The following SMN2 variants were observed in gnomAD, a reference collection of about 807,000 sequenced individuals.
SMN2 encodes the protein survival motor neuron protein.
SMN2 carries 1 observed loss-of-function variant against 2.8 expected under a neutral mutation model. That is an observed-to-expected ratio of 0.35 (90% CI 0.13 to 1.68). SMN2 has a LOEUF of 1.68. Ranked by LOEUF, SMN2 falls within the 40% of genes most tolerant of loss-of-function variation. SMN2 has a pLI of 0.35. For synonymous variants in SMN2, 5 were observed against 5.0 expected (o/e 0.99, Z 0.01); for missense variants, 12 against 16.9 (o/e 0.71, Z 0.51).
chr5:70,079,600 T>G (rs1395232436), downstream of SMN2, among the ~76,000 whole-genome samples: 1 of 133,416 alleles, frequency 7.5e-6, no homozygotes, highest in Non-Finnish European at 1.6e-5. Context: ...CTACAAAACA[T>G]GAAAGAATTA....
downstream of SMN2, among the ~76,000 whole-genome samples, chr5:70,082,157 G>C (rs991505530): frequency 7.9e-6 from 1 of 127,274 alleles, no homozygotes; most frequent in Non-Finnish European, 1.6e-5. Flanking sequence ...TTATATGCTG[G>C]ATTACATTTA....
intron 8 of SMN2, 196 bp downstream of exon 8, chr5:70,076,770 C>T (rs1317737753): frequency 2.3e-6 from 3 of 1,319,856 alleles, no homozygotes; most frequent in East Asian, 2.7e-5. Flanking sequence ...CTAGAATTCT[C>T]ATACTTAACT....
chr5:70,075,726 T>C (rs1278173348), intron 7 of SMN2, among the ~76,000 whole-genome samples: 1 of 121,316 alleles, frequency 8.2e-6, no homozygotes, highest in African/African-American at 3.6e-5. Flanking sequence ...CAGGCTGGAG[T>C]GCAAGGGCAC....
At chr5:70,076,393 T>G in intron 7 of SMN2, 128 bp from the exon 8 acceptor site, 1 of 495,892 alleles carries the variant, frequency 2.0e-6, no homozygotes, top group Non-Finnish European at 3.6e-6. Flanking sequence ...TGATCATATT[T>G]TGTTGAATAA....
At chr5:70,079,431 C>CAAAAA (rs58866189), downstream of SMN2, among the ~76,000 whole-genome samples, 63 of 103,848 alleles carry the variant, frequency 6.1e-4, 1 homozygote, top group African/African-American at 1.5e-3. Flanking sequence ...GACTCCGTCT[C>CAAAAA]AAAAAAAAAA....
chr5:70,079,674 T>G (rs1290732514), downstream of SMN2, among the ~76,000 whole-genome samples: 1 of 137,704 alleles, frequency 7.3e-6, no homozygotes, highest in Non-Finnish European at 1.5e-5. Context: ...AAAGGATCAC[T>G]TGAGTACAGG....
downstream of SMN2, among the ~76,000 whole-genome samples, chr5:70,082,139 G>T (rs1431931403): frequency 1.4e-4 from 18 of 129,852 alleles, no homozygotes; most frequent in Non-Finnish European, 2.5e-4. Flanking sequence ...TTTTGTCTTT[G>T]GTTCTGTTTA....
chr5:70,079,455 G>A (rs1391410468), downstream of SMN2, among the ~76,000 whole-genome samples: 35 of 146,418 alleles, frequency 2.4e-4, no homozygotes, highest in Non-Finnish European at 4.0e-4. Flanking sequence ...AAAAAAACAC[G>A]TTACTAAGAG....
At chr5:70,083,826 T>C in the SMN2 span, among the ~76,000 whole-genome samples, 2 of 132,696 alleles carry the variant, frequency 1.5e-5, no homozygotes, top group Non-Finnish European at 3.1e-5. Flanking sequence ...TGGGGAGGGA[T>C]AGCATTAGGA....
the SMN2 span, among the ~76,000 whole-genome samples, chr5:70,084,938 C>G: frequency 7.3e-6 from 1 of 137,590 alleles, no homozygotes; most frequent in African/African-American, 3.1e-5. Flanking sequence ...GAGAACCTTA[C>G]CCAGATATTC....
chr5:70,074,440 T>TA (rs1200457563), intron 7 of SMN2, among the ~76,000 whole-genome samples: 2 of 61,738 alleles, frequency 3.2e-5, no homozygotes, highest in African/African-American at 6.1e-5. Flanking sequence ...GGTCGGGAGT[T>TA]AGAGACTAGC....
the SMN2 span, among the ~76,000 whole-genome samples, chr5:70,084,004 T>G: frequency 5.8e-4 from 53 of 91,310 alleles, 3 homozygotes; most frequent in Middle Eastern, 4.2e-3. Flanking sequence ...AAAAAAGCTC[T>G]CATTCTTTTA....
At chr5:70,082,760 CTTT>C (rs1309052514), downstream of SMN2, among the ~76,000 whole-genome samples, 5 of 59,924 alleles carry the variant, frequency 8.3e-5, no homozygotes, top group East Asian at 3.7e-4. Context: ...CTCTTTTCTT[CTTT>C]ATTAGTCTTG....
downstream of SMN2, among the ~76,000 whole-genome samples, chr5:70,083,193 G>T (rs1178429295): frequency 1.1e-5 from 1 of 88,350 alleles, no homozygotes; most frequent in Non-Finnish European, 2.1e-5. Context: ...TTATTCCTGA[G>T]TTCTAGTTTG....
chr5:70,083,761 A>G, the SMN2 span, among the ~76,000 whole-genome samples: 9 of 126,890 alleles, frequency 7.1e-5, no homozygotes, highest in Admixed American at 7.1e-4. Flanking sequence ...ATGAGAACAC[A>G]TGGACACAGG....
At chr5:70,083,960 T>G in the SMN2 span, among the ~76,000 whole-genome samples, 5 of 114,084 alleles carry the variant, frequency 4.4e-5, no homozygotes, top group African/African-American at 1.8e-4. Context: ...AATAATAAAA[T>G]AAAATAAGAA....
chr5:70,079,418 C>T (rs1248918017), downstream of SMN2, among the ~76,000 whole-genome samples: 4 of 120,868 alleles, frequency 3.3e-5, no homozygotes, highest in East Asian at 2.5e-4. Context: ...GGCTAAAAAG[C>T]GAGACTCCGT....
At chr5:70,085,220 A>AGAT in the SMN2 span, among the ~76,000 whole-genome samples, 4 of 119,492 alleles carry the variant, frequency 3.3e-5, no homozygotes, top group East Asian at 9.7e-4. Context: ...AGTGGGAGTT[A>AGAT]GATGATGATG....
the SMN2 span, among the ~76,000 whole-genome samples, chr5:70,083,716 A>G: frequency 5.5e-5 from 7 of 126,480 alleles, no homozygotes; most frequent in African/African-American, 1.4e-4. Context: ...AAAACCAAAC[A>G]CCGCATGTTC....
Sources: allele counts gnomAD v4.1 joint callset (sites outside exome capture counted in the v4.1 genomes callset), GRCh38; gene constraint gnomAD v4.1.1; transcripts MANE v1.5; gene names NCBI Gene and HGNC (gene_info 2026-07-23, HGNC 2026-07-21).